The following ATP11C variants were observed in gnomAD, a reference collection of about 807,000 sequenced individuals.
ATP11C encodes phospholipid-transporting ATPase IG.
A neutral mutation model predicts 97.4 loss-of-function variants in ATP11C; 36 were observed. The observed-to-expected ratio is 0.37, with a 90% CI of 0.28 to 0.49. The LOEUF (loss-of-function observed/expected upper bound fraction) is 0.49. Ranked by LOEUF, ATP11C falls within the 20% of genes least tolerant of loss-of-function variation. The probability of loss-of-function intolerance (pLI) is 0.98; values close to 1 mark genes in which losing one functional copy is unlikely to be tolerated. For missense variants in ATP11C, 730 were observed against 824.6 expected (o/e 0.89, Z 1.40); for synonymous variants, 275 against 290.9 (o/e 0.95, Z 0.56).
At chrX:139,868,146 CAACACAA>C (rs2084314727) in intron 1 of ATP11C, among the ~76,000 whole-genome samples, 1 of 111,323 alleles carries the variant, frequency 9.0e-6, no homozygotes, top group Non-Finnish European at 1.9e-5. Flanking sequence ...ACATGAAAAT[CAACACAA>C]AATGGATTAA....
chrX:139,796,715 C>T (rs754086397), intron 11 of ATP11C, among the ~76,000 whole-genome samples: 1 of 111,210 alleles, frequency 9.0e-6, no homozygotes, highest in African/African-American at 3.3e-5. Flanking sequence ...AGTACTTTTT[C>T]ACTTCTTTAA....
At position 139,840,305 on chromosome X, in the gene ATP11C, T is replaced by C. The variant is rs190011854; in HGVS notation, c.28-13482A>G. Among the ~76,000 whole-genome samples, 322 of 112,439 alleles carry C rather than the reference T, an allele frequency of 2.9e-3. 2 individuals are homozygous for C. Among genetic ancestry groups the C allele is most frequent in the African/African-American group, 9.3e-3 (289 of 30,984 alleles). On this transcript the variant is annotated intron_variant, in intron 1 of 29. Transcript: ENST00000682941. ...AAGGCAGTGATTATGACAAAAACTT[T>C]GTATAGTCTACTACGACACTTTAGT...
At chrX:139,836,646 T>C (rs1569477030) in intron 1 of ATP11C, among the ~76,000 whole-genome samples, 1 of 111,963 alleles carries the variant, frequency 8.9e-6, no homozygotes, top group Admixed American at 9.4e-5. Context: ...AATGTTTAAG[T>C]ACAAACTGAC....
chrX:139,816,402 T>A (rs760012487), intron 4 of ATP11C, among the ~76,000 whole-genome samples: 1 of 111,884 alleles, frequency 8.9e-6, no homozygotes, highest in African/African-American at 3.2e-5. Flanking sequence ...TGGCAGTCTA[T>A]CAGCTCTGAC....
rs113945779 is a variant in ATP11C, at chrX:139,741,610, T to C, written c.3031-516A>G. Among the ~76,000 whole-genome samples the C allele has an allele frequency of 9.5e-3, 1,067 of 111,797 alleles. 21 individuals are homozygous for C. Among genetic ancestry groups the C allele is most frequent in the African/African-American group, 0.033 (1,026 of 30,756 alleles). ...GGAGTCACTAAATGCAAAGGCTCTA[T>C]ACATCTAACATCATGTAGCAATGAA... On this transcript the variant is annotated intron_variant, in intron 26 of 29. Transcript: ENST00000682941.
intron 1 of ATP11C, among the ~76,000 whole-genome samples, chrX:139,887,739 G>T (rs1722637695): frequency 9.0e-6 from 1 of 111,285 alleles, no homozygotes; most frequent in Non-Finnish European, 1.9e-5. Context: ...GGAGGCCAAG[G>T]TGGGCGGATT....
chrX:139,805,926 T>C (rs759962753), intron 5 of ATP11C, among the ~76,000 whole-genome samples: 3 of 112,570 alleles, frequency 2.7e-5, no homozygotes, highest in Non-Finnish European at 5.6e-5. Flanking sequence ...GGATTGTTCC[T>C]TCCTCACTTA....
intron 1 of ATP11C, among the ~76,000 whole-genome samples, chrX:139,894,290 T>C (rs1349375904): frequency 4.4e-5 from 5 of 112,451 alleles, no homozygotes; most frequent in South Asian, 3.6e-4. Flanking sequence ...GCTTTATCCC[T>C]AGTATCACAC....
chrX:139,839,119 G>C (rs938670202), intron 1 of ATP11C, among the ~76,000 whole-genome samples: 5 of 112,068 alleles, frequency 4.5e-5, no homozygotes, highest in Admixed American at 9.4e-5. Flanking sequence ...AAAGAAGCCA[G>C]ACACAAAAGG....
intron 1 of ATP11C, among the ~76,000 whole-genome samples, chrX:139,847,894 C>A (rs938885059): frequency 1.8e-5 from 2 of 110,802 alleles, no homozygotes; most frequent in South Asian, 7.8e-4. Flanking sequence ...TTCCTCTTGC[C>A]TCCCCCTTGC....
chrX:139,831,868 C>G (rs1217479464), intron 1 of ATP11C, among the ~76,000 whole-genome samples: 10 of 111,306 alleles, frequency 9.0e-5, no homozygotes, highest in African/African-American at 2.3e-4. Context: ...GAAACTTAAC[C>G]AGCAAGTATA....
intron 1 of ATP11C, among the ~76,000 whole-genome samples, chrX:139,927,700 T>C (rs1236080718): frequency 9.1e-6 from 1 of 109,785 alleles, no homozygotes; most frequent in African/African-American, 3.3e-5. Context: ...TCTCAGCCTC[T>C]GTAACTGCAT....
intron 28 of ATP11C, among the ~76,000 whole-genome samples, chrX:139,732,943 G>T (rs917246740): frequency 9.0e-6 from 1 of 111,576 alleles, no homozygotes; most frequent in Non-Finnish European, 1.9e-5. Flanking sequence ...CTATCTTGAA[G>T]TAATTATCTC....
intron 19 of ATP11C, among the ~76,000 whole-genome samples, chrX:139,769,474 T>C (rs1329671984): frequency 2.8e-5 from 3 of 105,634 alleles, no homozygotes; most frequent in South Asian, 8.7e-4. Context: ...CTTGGTTATA[T>C]ATAGGTATAT....
In ATP11C at chrX:139,739,121, A is replaced by G. The variant is rs896464406; in HGVS notation, c.3135-1052T>C. Among the ~76,000 whole-genome samples, 42 of 110,760 alleles carry G rather than the reference A, an allele frequency of 3.8e-4. No homozygotes were observed. In the Admixed American group the frequency reaches 3.8e-3, roughly 10 times the overall value. ...AGGCTTTCTGGGAAAAGTCTGCCAC[A>G]TGGAAAAGACTTCTGCAGAACTCTA... On this transcript the variant is annotated intron_variant, in intron 27 of 29. Coordinates refer to ENST00000682941, the MANE Select transcript of ATP11C (RefSeq NM_001353812.2).
At chrX:139,853,341 C>G (rs2497270) in intron 1 of ATP11C, among the ~76,000 whole-genome samples, 28,852 of 103,374 alleles carry the variant, frequency 0.28, 6,354 homozygotes, top group African/African-American at 0.71. Flanking sequence ...AGGGGAAAGA[C>G]AGAGAGAGGG....
chrX:139,843,537 C>T (rs1414044105), intron 1 of ATP11C, among the ~76,000 whole-genome samples: 4 of 111,530 alleles, frequency 3.6e-5, no homozygotes, highest in African/African-American at 1.3e-4. Context: ...AGAGGTACTC[C>T]AATATTTGCA....
At chrX:139,826,859 A>G in intron 1 of ATP11C, 36 bp from the exon 2 acceptor site, 1 of 1,183,293 alleles carries the variant, frequency 8.5e-7, no homozygotes, top group South Asian at 1.9e-5. Flanking sequence ...TCAGTTTTTC[A>G]TCACATTTGT....
At chrX:139,811,831 T>C (rs892572422) in intron 5 of ATP11C, among the ~76,000 whole-genome samples, 1 of 111,152 alleles carries the variant, frequency 9.0e-6, no homozygotes, top group Admixed American at 9.6e-5. Context: ...AAATACCTAC[T>C]TCATATGGCT....
Sources: allele counts gnomAD v4.1 joint callset (sites outside exome capture counted in the v4.1 genomes callset), GRCh38; gene constraint gnomAD v4.1.1; transcripts MANE v1.5; gene names NCBI Gene and HGNC (gene_info 2026-07-23, HGNC 2026-07-21).